The following HMGCLL1 variants were observed in gnomAD, a reference collection of about 807,000 sequenced individuals.
HMGCLL1 encodes the protein 3-hydroxymethyl-3-methylglutaryl-CoA lyase, cytoplasmic.
Under a neutral mutation model 39.1 loss-of-function variants are expected in HMGCLL1, and 36 were observed. The ratio of observed to expected loss-of-function variants is 0.92; its 90% CI spans 0.71 to 1.22. The LOEUF is 1.22. Among genes scored for constraint, HMGCLL1 ranks in the 50% most tolerant of loss-of-function variants. HMGCLL1 has a pLI of 0.00. For missense variants in HMGCLL1, 451 were observed against 416.5 expected, an observed-to-expected ratio of 1.08 and a Z score of -0.72; for synonymous variants, 149 against 144.0, an observed-to-expected ratio of 1.03 and a Z score of -0.25.
chr6:55,519,788 A>G (rs764080821), intron 3 of HMGCLL1, among the ~76,000 whole-genome samples: 2 of 152,104 alleles, frequency 1.3e-5, no homozygotes, highest in Non-Finnish European at 2.9e-5. Context: ...GTTCCTAACC[A>G]AATACAGATT....
chr6:55,465,306 T>A (rs1764750288), intron 7 of HMGCLL1, among the ~76,000 whole-genome samples: 1 of 152,070 alleles, frequency 6.6e-6, no homozygotes, highest in Non-Finnish European at 1.5e-5. Flanking sequence ...CCATTAATTA[T>A]ATATATAGCC....
At chr6:55,672,686 A>G in the HMGCLL1 span, among the ~76,000 whole-genome samples, 1 of 151,930 alleles carries the variant, frequency 6.6e-6, no homozygotes, top group African/African-American at 2.4e-5. Flanking sequence ...CTATTCAAAC[A>G]TGCATATACC....
At chr6:55,626,796 T>C in the HMGCLL1 span, among the ~76,000 whole-genome samples, 1 of 151,978 alleles carries the variant, frequency 6.6e-6, no homozygotes, top group Non-Finnish European at 1.5e-5. Flanking sequence ...TCCTCCTACC[T>C]TTCAGTCAAG....
At chr6:55,579,918 C>A (rs6939404), upstream of HMGCLL1, among the ~76,000 whole-genome samples, 78,752 of 152,022 alleles carry the variant, frequency 0.52, 20,812 homozygotes, top group African/African-American at 0.62. Context: ...TACCTTCCCC[C>A]CCTCACTTTC....
At chr6:55,442,959 C>T (rs1417787671) in intron 7 of HMGCLL1, among the ~76,000 whole-genome samples, 1 of 152,126 alleles carries the variant, frequency 6.6e-6, no homozygotes, top group African/African-American at 2.4e-5. Context: ...CTGATCTATT[C>T]AGTGGATCTG....
At chr6:55,609,338 T>C in the HMGCLL1 span, among the ~76,000 whole-genome samples, 13 of 152,228 alleles carry the variant, frequency 8.5e-5, 1 homozygote, top group African/African-American at 3.1e-4. Context: ...GCACTTTTCC[T>C]CTGCTGGAGC....
chr6:55,643,771 G>T, the HMGCLL1 span, among the ~76,000 whole-genome samples: 1 of 151,854 alleles, frequency 6.6e-6, no homozygotes, highest in African/African-American at 2.4e-5. Flanking sequence ...CATCAACATG[G>T]TTGCAAATGA....
intron 6 of HMGCLL1, among the ~76,000 whole-genome samples, chr6:55,497,413 G>A (rs942736945): frequency 5.9e-5 from 9 of 151,974 alleles, no homozygotes; most frequent in Admixed American, 3.9e-4. Flanking sequence ...CACACAATCT[G>A]GCACATGATA....
At chr6:55,611,548 T>C in the HMGCLL1 span, among the ~76,000 whole-genome samples, 386 of 152,248 alleles carry the variant, frequency 2.5e-3, 1 homozygote, top group Non-Finnish European at 3.8e-3. Flanking sequence ...TGGTGAACAC[T>C]GATGCAAAAT....
chr6:55,656,101 G>A, the HMGCLL1 span, among the ~76,000 whole-genome samples: 565 of 151,886 alleles, frequency 3.7e-3, 2 homozygotes, highest in Non-Finnish European at 6.1e-3. Context: ...ACTTCCTATC[G>A]GGAATTTTTT....
chr6:55,467,276 T>C (rs1417101206), intron 7 of HMGCLL1, among the ~76,000 whole-genome samples: 1 of 143,042 alleles, frequency 7.0e-6, no homozygotes, highest in East Asian at 2.0e-4. Context: ...ATCAACTATA[T>C]TGCCTCCATG....
chr6:55,641,296 A>T, the HMGCLL1 span, among the ~76,000 whole-genome samples: 1 of 151,876 alleles, frequency 6.6e-6, no homozygotes, highest in South Asian at 2.1e-4. Context: ...ATATATAATT[A>T]ATTTTCTATT....
At chr6:55,624,060 C>T in the HMGCLL1 span, among the ~76,000 whole-genome samples, 8,381 of 152,150 alleles carry the variant, frequency 0.055, 404 homozygotes, top group Non-Finnish European at 0.077. Flanking sequence ...CAGTAGTCTC[C>T]GAAATGTCTG....
intron 1 of HMGCLL1, among the ~76,000 whole-genome samples, chr6:55,561,183 T>G (rs958786780): frequency 6.6e-6 from 1 of 152,174 alleles, no homozygotes; most frequent in African/African-American, 2.4e-5. Flanking sequence ...TTATCAAAAT[T>G]ATTTCTTCCC....
chr6:55,469,310 C>T (rs1241648494), intron 7 of HMGCLL1, among the ~76,000 whole-genome samples: 3 of 150,328 alleles, frequency 2.0e-5, no homozygotes, highest in East Asian at 3.9e-4. Context: ...CATATTCACA[C>T]ATCCTAATAT....
Position 55,549,783 on chromosome 6 carries a change from C to A in HMGCLL1, c.109-7643G>T, listed in dbSNP as rs1018870920. Among the ~76,000 whole-genome samples, 12 of 151,228 alleles carry A rather than the reference C, an allele frequency of 7.9e-5. 1 individual carries two copies. The highest frequency in any genetic ancestry group is 2.9e-4 in the African/African-American group (12 of 41,048). On this transcript the variant is annotated intron_variant, in intron 1 of 8. Transcript: ENST00000274901. ...ATTTCATTACTTTTTTTTTGTTATG[C>A]CATATTGATTATATAACAATGTCAA...
chr6:55,444,427 G>GC (rs1278133800), intron 7 of HMGCLL1, among the ~76,000 whole-genome samples: 9 of 152,008 alleles, frequency 5.9e-5, no homozygotes, highest in Admixed American at 3.9e-4. Context: ...ATCACAGTAT[G>GC]TTTTTTAAGA....
chr6:55,610,512 C>T, the HMGCLL1 span, among the ~76,000 whole-genome samples: 400 of 152,016 alleles, frequency 2.6e-3, 1 homozygote, highest in Middle Eastern at 6.8e-3. Context: ...ATGAACAAAG[C>T]CTTTGAGAAC....
rs1000280537 is a variant in HMGCLL1, at chr6:55,499,242, C to T, written c.600G>A (p.Val200=). ...PYEGSITPQK[V]TEVSKRLYGM... ...AGCTGAAGATGTAGCTTACTTCTGT[C>T]ACTTTTTGCGGTGTAATACTTCCTT... The change falls in exon 6 of 9, where the codon GTG becomes GTA. Residue 200 remains valine, a synonymous_variant. Transcript: ENST00000274901. 2 of 1,608,464 alleles carry T rather than the reference C, an allele frequency of 1.2e-6. No homozygotes were observed. The highest frequency in any genetic ancestry group is 1.7e-6 in the Non-Finnish European group (2 of 1,177,364).
Sources: gnomAD v4.1 joint callset for allele counts (sites outside exome capture counted in the v4.1 genomes callset) on GRCh38, gnomAD v4.1.1 for gene constraint, MANE v1.5 for transcripts, NCBI Gene and HGNC (gene_info 2026-07-23, HGNC 2026-07-21) for gene names.